The following GAS7 variants were observed in gnomAD, a reference collection of about 807,000 sequenced individuals.
The protein encoded by GAS7 is growth arrest-specific protein 7.
A neutral mutation model predicts 71.1 loss-of-function variants in GAS7; 28 were observed. The observed-to-expected ratio is 0.39, with a 90% CI of 0.29 to 0.54. The LOEUF is 0.54. Among genes scored for constraint, GAS7 ranks in the 20% least tolerant of loss-of-function variants. The pLI is 0.62. For missense variants in GAS7, 436 were observed against 627.8 expected, an observed-to-expected ratio of 0.69 and a Z score of 3.27; for synonymous variants, 258 against 245.8, an observed-to-expected ratio of 1.05 and a Z score of -0.46.
At chr17:10,181,230 C>G (rs932057098) in intron 1 of GAS7, among the ~76,000 whole-genome samples, 3 of 151,618 alleles carry the variant, frequency 2.0e-5, no homozygotes, top group Non-Finnish European at 4.4e-5. Context: ...CGTGGTGGTG[C>G]ATGCCTGTAA....
At chr17:10,197,229 T>A (rs771496486) in intron 1 of GAS7, among the ~76,000 whole-genome samples, 7 of 152,218 alleles carry the variant, frequency 4.6e-5, no homozygotes, top group Non-Finnish European at 1.0e-4. Context: ...ACTTTCTCTG[T>A]GAAGTAGGTC....
intron 1 of GAS7, among the ~76,000 whole-genome samples, chr17:10,119,332 C>T (rs1203938924): frequency 6.6e-6 from 1 of 152,194 alleles, no homozygotes; most frequent in Admixed American, 6.5e-5. Flanking sequence ...TGATTTATTC[C>T]TTCATTAAGT....
chr17:10,087,899 G>A (rs2073536652), intron 1 of GAS7, among the ~76,000 whole-genome samples: 1 of 152,128 alleles, frequency 6.6e-6, no homozygotes, highest in Non-Finnish European at 1.5e-5. Context: ...GGGAGCCTTT[G>A]GTGCCCCCAT....
At chr17:10,004,349 C>A (rs868212466) in intron 2 of GAS7, among the ~76,000 whole-genome samples, 4 of 152,118 alleles carry the variant, frequency 2.6e-5, no homozygotes, top group South Asian at 2.1e-4. Flanking sequence ...AGAATATAAC[C>A]TACAGATCAT....
rs1567557290 is a variant in GAS7, at chr17:10,031,425, C to CG, written c.184-11529dup. On this transcript the variant is annotated intron_variant, in intron 1 of 13. Transcript: ENST00000432992. ...TGCCAAGCTGGAAATATGGAGTCTC[C>CG]GGGGGGACAAGGATTGATGAAAAGA... Among the ~76,000 whole-genome samples, 3 of 152,144 alleles carry CG rather than the reference C, an allele frequency of 2.0e-5. No individual in the cohort carries two copies. In the South Asian group the frequency reaches 6.2e-4, roughly 31 times the overall value.
At chr17:10,027,598 C>T (rs1055135434) in intron 1 of GAS7, among the ~76,000 whole-genome samples, 2 of 152,366 alleles carry the variant, frequency 1.3e-5, no homozygotes, top group Non-Finnish European at 2.9e-5. Flanking sequence ...TGCCTTCCAC[C>T]ATGTGAGGAC....
At chr17:10,069,783 T>C (rs2073321016) in intron 1 of GAS7, among the ~76,000 whole-genome samples, 1 of 152,246 alleles carries the variant, frequency 6.6e-6, no homozygotes, top group Admixed American at 6.5e-5. Flanking sequence ...TTTTTTCTTT[T>C]AAAAATTGCA....
intron 1 of GAS7, among the ~76,000 whole-genome samples, chr17:10,033,766 C>A (rs1243996545): frequency 6.6e-6 from 1 of 152,206 alleles, no homozygotes; most frequent in Non-Finnish European, 1.5e-5. Flanking sequence ...TTGTGGCCAC[C>A]AGTTGCTGGC....
At chr17:9,996,981 A>T (rs2152153353) in intron 2 of GAS7, among the ~76,000 whole-genome samples, 1 of 152,224 alleles carries the variant, frequency 6.6e-6, no homozygotes, top group South Asian at 2.1e-4. Context: ...TGAATCTATG[A>T]GAAATTTCCA....
At chr17:10,120,991 A>C (rs761721764) in intron 1 of GAS7, among the ~76,000 whole-genome samples, 2 of 152,220 alleles carry the variant, frequency 1.3e-5, no homozygotes, top group Non-Finnish European at 2.9e-5. Flanking sequence ...GGATGGCAGG[A>C]GTGGCAGAGC....
chr17:10,124,408 G>A (rs574873383), intron 1 of GAS7, among the ~76,000 whole-genome samples: 2 of 152,264 alleles, frequency 1.3e-5, no homozygotes, highest in South Asian at 2.1e-4. Context: ...ACTAAATCTC[G>A]AAGGAAGGAA....
chr17:10,198,392 G>T lies in GAS7; in HGVS notation c.-2C>A. The T allele has an allele frequency of 6.4e-7, 1 of 1,574,456 alleles. No homozygotes were observed. Among genetic ancestry groups the T allele is most frequent in the Non-Finnish European group, 8.6e-7 (1 of 1,169,132 alleles). ...GGTCCGGCAGCGAGCGCCGGACATG[G>T]CCTTGGCGCCCGGGTTCACAGCGCA... On this transcript the variant is annotated 5_prime_UTR_variant, in exon 1 of 14. Coordinates refer to ENST00000432992, the MANE Select transcript of GAS7 (RefSeq NM_201433.2).
rs558962923 is a variant in GAS7 at position 10,026,083 on chromosome 17, C to G, written c.184-6186G>C. On this transcript the variant is annotated intron_variant, in intron 1 of 13. Transcript: ENST00000432992. This position sits in a 1 kb window ranked among gnomAD's most constrained non-coding sequence, Gnocchi z 4.5. The stretch of plus-strand genomic sequence containing the variant: ...CCATGCTTCAAGCTCAAGTTCAACC[C>G]GGATGCCACCTCCACCTCCGGGACT... The G allele has an allele frequency of 5.8e-5, 48 of 822,634 alleles. No individual in the cohort carries two copies. In the African/African-American group the frequency reaches 8.5e-4, roughly 15 times the overall value. The allele number at this position is 822,634 out of a possible 1,614,324, so 51.0% of individuals were successfully genotyped here.
intron 1 of GAS7, chr17:10,061,315 T>A (rs1381673098): frequency 6.6e-6 from 1 of 152,210 alleles, no homozygotes; most frequent in Non-Finnish European, 1.5e-5. Flanking sequence ...CCATATGGAT[T>A]TCATATTCAG....
In GAS7 at chr17:9,975,531, A is replaced by ACC. The variant is rs5819256; in HGVS notation, c.386-5771_386-5770dup. ...CATCCTCCTTCCCTCCTTCTTTCTC[A>ACC]CCCCCCCCTTTTTCCTTCCTTCCAC... On this transcript the variant is annotated intron_variant, in intron 3 of 13. Transcript: ENST00000432992. 8.9e-3 allele frequency among the ~76,000 whole-genome samples: 805 copies of ACC among 90,750 alleles called. 7 individuals carry two copies. The highest frequency in any genetic ancestry group is 0.031 in the African/African-American group (756 of 24,486). 59.5% of individuals were successfully genotyped at this position (90,750 alleles called of 152,430 possible). A position where few individuals can be genotyped will look rare whatever the true frequency, so the allele number is the denominator to read the frequency against.
rs1160966519 is a variant in GAS7 at position 9,981,852 on chromosome 17, C to A, written c.337G>T (p.Gly113Trp). The change falls in exon 3 of 14, where the codon GGG becomes TGG. Residue 113 changes from glycine (G) to tryptophan (W), a missense_variant. Gly to Trp is a radical substitution (Grantham distance 184). Transcript: ENST00000432992. This position sits in a 1 kb window ranked among gnomAD's most constrained non-coding sequence, Gnocchi z 4.4. Reference sequence around the variant, plus strand: ...TGAGAGCCAGGGCTGGCTGGAATCCCAGGAGAACTGCTGGGACGTTCCCAG... The same window carrying A: ...TGAGAGCCAGGGCTGGCTGGAATCCAAGGAGAACTGCTGGGACGTTCCCAG... ...TTWERPSSSPGIPASPGSHRS... is the reference protein window; with the variant it reads ...TTWERPSSSPWIPASPGSHRS... 1.2e-6 allele frequency: 2 copies of A among 1,605,390 alleles called. No homozygotes were observed. The highest frequency in any genetic ancestry group is 1.7e-6 in the Non-Finnish European group (2 of 1,172,012).
chr17:10,024,173 C>CA (rs2072379875), intron 1 of GAS7, among the ~76,000 whole-genome samples: 2 of 151,954 alleles, frequency 1.3e-5, no homozygotes, highest in Non-Finnish European at 2.9e-5. Flanking sequence ...CTGCCTTCTG[C>CA]GAAGGCAGAA....
At chr17:9,980,716 C>A (rs1455874497) in intron 3 of GAS7, among the ~76,000 whole-genome samples, 1 of 152,176 alleles carries the variant, frequency 6.6e-6, no homozygotes, top group Non-Finnish European at 1.5e-5. Flanking sequence ...ACAAAGTCCC[C>A]ACCCTCAGGG....
At chr17:10,057,492 G>C (rs528620694) in intron 1 of GAS7, among the ~76,000 whole-genome samples, 69 of 151,960 alleles carry the variant, frequency 4.5e-4, no homozygotes, top group African/African-American at 1.6e-3. Flanking sequence ...CGCCCCATCT[G>C]AGAAGTGAGG....
Sources: gnomAD v4.1 joint callset for allele counts (sites outside exome capture counted in the v4.1 genomes callset) on GRCh38, gnomAD v4.1.1 for gene constraint, Gnocchi (gnomAD v3.1) non-coding constraint, MANE v1.5 for transcripts, NCBI Gene and HGNC (gene_info 2026-07-23, HGNC 2026-07-21) for gene names.